Variants in PDLIM4 observed in about 807,000 individuals in gnomAD.
PDLIM4 encodes PDZ and LIM domain 4.
PDLIM4 carries 19 observed loss-of-function variants against 31.3 expected under a neutral mutation model. That is an observed-to-expected ratio of 0.61 (90% confidence interval 0.42 to 0.89). The LOEUF is 0.89. Among genes scored for constraint, PDLIM4 ranks in the 40% least tolerant of loss-of-function variants. The pLI, the probability that PDLIM4 is intolerant of heterozygous loss-of-function variation, is 0.00. For missense variants in PDLIM4, 442 were observed against 461.1 expected (o/e 0.96, Z 0.38); for synonymous variants, 176 against 190.1 (o/e 0.93, Z 0.61).
intron 2 of PDLIM4, among the ~76,000 whole-genome samples, chr5:132,265,657 T>G (rs998555969): frequency 4.6e-5 from 7 of 152,176 alleles, no homozygotes; most frequent in African/African-American, 1.4e-4. Context: ...TTGAGAAGCC[T>G]CAGGAGGCTT....
chr5:132,271,534 G>A (rs773551735), intron 5 of PDLIM4, 68 bp downstream of exon 5: 14 of 1,500,116 alleles, frequency 9.3e-6, no homozygotes, highest in African/African-American at 1.4e-5. Flanking sequence ...GCCCCCTAGC[G>A]ACCCCACGTC....
At chr5:132,263,690 C>T (rs901353602) in intron 2 of PDLIM4, among the ~76,000 whole-genome samples, 2 of 152,204 alleles carry the variant, frequency 1.3e-5, no homozygotes, top group Admixed American at 6.5e-5. Flanking sequence ...CCATGACCCC[C>T]TGTGGAAGTA....
At chr5:132,264,517 G>A (rs1756447509) in intron 2 of PDLIM4, among the ~76,000 whole-genome samples, 2 of 152,090 alleles carry the variant, frequency 1.3e-5, no homozygotes, top group Admixed American at 6.6e-5. Flanking sequence ...ACCATCTTGC[G>A]CTCTGGACAT....
intron 1 of PDLIM4, 121 bp from the exon 2 acceptor site, chr5:132,262,488 A>ACAGGCCATGCTGGTAG (rs1390573284): frequency 6.1e-5 from 56 of 916,428 alleles, no homozygotes; most frequent in Non-Finnish European, 6.1e-5. Context: ...TTGCCCATCC[A>ACAGGCCATGCTGGTAG]CAGGCCATGC....
In PDLIM4 at chr5:132,270,917, C is replaced by G; in HGVS notation, c.330C>G (p.Asp110Glu). ...HRIHIDPEIQ[D>E]GSPTTSRRPS... Reference sequence around the variant, plus strand: ...TGCCTTAGGCCTCTCTCTAATAGGACGGCAGCCCAACAACCAGCAGGCGGC... The same window carrying G: ...TGCCTTAGGCCTCTCTCTAATAGGAGGGCAGCCCAACAACCAGCAGGCGGC... Residue 110 changes from aspartate (D) to glutamate (E), a missense_variant and splice_region_variant, in exon 4 of 7, where the codon GAC becomes GAG. Coordinates refer to ENST00000253754, the MANE Select transcript of PDLIM4 (RefSeq NM_003687.4). 1 of 1,613,852 alleles carries G rather than the reference C, an allele frequency of 6.2e-7. No individual in the cohort carries two copies. The highest frequency in any genetic ancestry group is 1.1e-5 in the South Asian group (1 of 91,076).
chr5:132,268,083 C>T lies in PDLIM4; in HGVS notation c.327+1538C>T, dbSNP rs149162488. On this transcript the variant is annotated intron_variant, in intron 3 of 6. Transcript: ENST00000253754. ...AGGGCCGGTGGGCCTGGGAGGCTGGCGACTGTAGAGCAGCTCCCCCTGCCC... is the reference window on the plus strand; with the variant it reads ...AGGGCCGGTGGGCCTGGGAGGCTGGTGACTGTAGAGCAGCTCCCCCTGCCC... Among the ~76,000 whole-genome samples the T allele has an allele frequency of 3.0e-3, 460 of 152,080 alleles. 1 individual carries two copies. The highest frequency in any genetic ancestry group is 0.01 in the Middle Eastern group (3 of 294).
At chr5:132,262,376 C>T (rs334905) in intron 1 of PDLIM4, among the ~76,000 whole-genome samples, 9,554 of 152,242 alleles carry the variant, frequency 0.063, 720 homozygotes, top group East Asian at 0.19. Flanking sequence ...AAGCCCTTCT[C>T]GTATATCCTC....
chr5:132,257,796 G>C lies in PDLIM4; in HGVS notation c.62G>C (p.Arg21Pro). 1 of 1,505,434 alleles carries C rather than the reference G, an allele frequency of 6.6e-7. No individual in the cohort carries two copies. The highest frequency in any genetic ancestry group is 8.8e-7 in the Non-Finnish European group (1 of 1,131,488). The allele number at this position is 1,505,434 out of a possible 1,614,324, so 93.3% of individuals were successfully genotyped here. The change falls in exon 1 of 7, where the codon CGG becomes CCG. Residue 21 changes from arginine (R) to proline (P), a missense_variant. Physicochemically the swap from Arg to Pro is moderately radical, Grantham distance 103. Coordinates refer to ENST00000253754, the MANE Select transcript of PDLIM4 (RefSeq NM_003687.4). The surrounding 1 kb of genome is among the most constrained non-coding windows in gnomAD (Gnocchi z 4.3). ...TGGGGCTTCCGCCTGGTGGGCGGCCGGGACTTCAGCGCGCCCCTCACCATC... is the reference window on the plus strand; with the variant it reads ...TGGGGCTTCCGCCTGGTGGGCGGCCCGGACTTCAGCGCGCCCCTCACCATC... Reference protein sequence around the residue: ...SPWGFRLVGGRDFSAPLTISR... With the variant: ...SPWGFRLVGGPDFSAPLTISR...
At chr5:132,267,343 C>G (rs1468727761) in intron 3 of PDLIM4, among the ~76,000 whole-genome samples, 1 of 152,204 alleles carries the variant, frequency 6.6e-6, no homozygotes, top group Non-Finnish European at 1.5e-5. Context: ...TTCACTGAAC[C>G]AGAGGGAAGG....
At chr5:132,262,904 G>A (rs1311995936) in intron 2 of PDLIM4, 144 bp downstream of exon 2, 2 of 636,276 alleles carry the variant, frequency 3.1e-6, no homozygotes, top group Non-Finnish European at 5.4e-6. Context: ...CCAAGGAGTA[G>A]CACTTTCATG....
In PDLIM4 at chr5:132,270,949, GCAC is replaced by G. The variant is rs1438183620; in HGVS notation, c.364_366del (p.Thr122del). The G allele has an allele frequency of 6.2e-7, 1 of 1,614,118 alleles. No individual in the cohort carries two copies. The highest frequency in any genetic ancestry group is 1.7e-5 in the Admixed American group (1 of 60,016). On this transcript the variant is annotated inframe_deletion, in exon 4 of 7. Transcript: ENST00000253754. ...CCAACAACCAGCAGGCGGCCCTCAG[GCAC>G]CGGGACTGGGCCAGAAGATGGCAGA...
intron 1 of PDLIM4, among the ~76,000 whole-genome samples, chr5:132,261,263 G>A (rs887797734): frequency 3.3e-5 from 5 of 152,214 alleles, no homozygotes; most frequent in Admixed American, 1.3e-4. Context: ...CCCTACAAGT[G>A]AACATTAATG....
chr5:132,272,631 A>G lies in PDLIM4; in HGVS notation c.*402A>G, dbSNP rs1756655295. 3.4e-6 allele frequency: 1 copy of G among 292,528 alleles called. No homozygotes were observed. Among genetic ancestry groups the G allele is most frequent in the South Asian group, 3.4e-5 (1 of 29,540 alleles). The allele number at this position is 292,528 out of a possible 1,614,324, so 18.1% of individuals were successfully genotyped here. ...AGAACTAAGAGATGAGGGAGGCACA[A>G]ACTCTGCACGGGGGAACTGTGTGTG... On this transcript the variant is annotated 3_prime_UTR_variant, in exon 7 of 7. Transcript: ENST00000253754.
chr5:132,261,655 C>G (rs1178281346), intron 1 of PDLIM4: 2 of 152,276 alleles, frequency 1.3e-5, no homozygotes, highest in Non-Finnish European at 2.9e-5. Context: ...AACTCCACCC[C>G]CCATTCTAGC....
intron 3 of PDLIM4, 179 bp downstream of exon 3, chr5:132,266,724 A>G: frequency 1.0e-5 from 5 of 495,480 alleles, no homozygotes; most frequent in Non-Finnish European, 1.8e-5. Context: ...TCCTCAGATG[A>G]TGAGCACCTG....
intron 3 of PDLIM4, among the ~76,000 whole-genome samples, chr5:132,267,787 G>A (rs1297283693): frequency 6.6e-6 from 1 of 152,142 alleles, no homozygotes; most frequent in African/African-American, 2.4e-5. Flanking sequence ...AAGGCTCTTG[G>A]GCTTCTCTAT....
Position 132,273,390 on chromosome 5 carries a change from A to G in PDLIM4, c.*1161A>G, listed in dbSNP as rs1756675438. 1 of 152,128 alleles carries G rather than the reference A, an allele frequency of 6.6e-6. No individual in the cohort carries two copies. The allele number at this position is 152,128 out of a possible 1,614,324, so 9.4% of individuals were successfully genotyped here. On this transcript the variant is annotated 3_prime_UTR_variant, in exon 7 of 7. Transcript: ENST00000253754. ...TTCCTTGTGCTCCTGCCAGCTCAGG[A>G]TATTATGTTTCTTTTTTCATTTTTG...
intron 3 of PDLIM4, among the ~76,000 whole-genome samples, chr5:132,268,635 C>T (rs1756542022): frequency 6.6e-6 from 1 of 152,150 alleles, no homozygotes; most frequent in South Asian, 2.1e-4. Flanking sequence ...GAAGGAGTGG[C>T]AATTATGCTC....
chr5:132,264,374 C>T (rs1756444018), intron 2 of PDLIM4, among the ~76,000 whole-genome samples: 1 of 152,184 alleles, frequency 6.6e-6, no homozygotes, highest in Non-Finnish European at 1.5e-5. Context: ...ACATTCTCTA[C>T]TATTACAGAG....
Sources: gnomAD v4.1 joint callset for allele counts (sites outside exome capture counted in the v4.1 genomes callset) on GRCh38, gnomAD v4.1.1 for gene constraint, Gnocchi (gnomAD v3.1) non-coding constraint, MANE v1.5 for transcripts, NCBI Gene and HGNC (gene_info 2026-07-23, HGNC 2026-07-21) for gene names.